DNAAF4: variants seen among roughly 807,000 people sequenced by gnomAD.
DNAAF4 encodes the protein dynein assembly factor 4, axonemal.
A neutral mutation model predicts 51.8 loss-of-function variants in DNAAF4; 43 were observed. The ratio of observed to expected loss-of-function variants is 0.83; its 90% CI spans 0.65 to 1.07. The LOEUF is 1.07. Ranked by LOEUF, DNAAF4 falls within the 50% of genes least tolerant of loss-of-function variation. DNAAF4 has a pLI of 0.00. For missense variants in DNAAF4, 581 were observed against 493.0 expected, an observed-to-expected ratio of 1.18 and a Z score of -1.69; for synonymous variants, 194 against 165.6, an observed-to-expected ratio of 1.17 and a Z score of -1.32.
At position 55,432,422 on chromosome 15, in the gene DNAAF4, C is replaced by T. The variant is rs551612768; in HGVS notation, c.1153+75G>A. 1.7e-5 allele frequency: 21 copies of T among 1,219,988 alleles called. No homozygotes were observed. In the East Asian group the frequency reaches 3.4e-4, roughly 20 times the overall value. The allele number at this position is 1,219,988 out of a possible 1,614,324, so 75.6% of individuals were successfully genotyped here. A position where few individuals can be genotyped will look rare whatever the true frequency, so the allele number is the denominator to read the frequency against. On this transcript the variant is annotated intron_variant, in intron 9 of 9. Transcript: ENST00000321149. ...TTAAAAATGGAGTCCTTAAAAGTCA[C>T]GATCTTAAATAATTCCAATGACATT...
chr15:55,495,943 C>G (rs552791234), intron 3 of DNAAF4, among the ~76,000 whole-genome samples: 1 of 152,112 alleles, frequency 6.6e-6, no homozygotes, highest in South Asian at 2.1e-4. Flanking sequence ...CTGGGGATGT[C>G]AGGCCGGTCG....
intron 1 of DNAAF4, among the ~76,000 whole-genome samples, chr15:55,504,093 C>T (rs959032448): frequency 6.6e-6 from 1 of 152,136 alleles, no homozygotes; most frequent in Non-Finnish European, 1.5e-5. Context: ...GATACAAAAT[C>T]AATGTGCAAA....
intron 8 of DNAAF4, among the ~76,000 whole-genome samples, chr15:55,433,343 G>T (rs973859943): frequency 6.6e-6 from 1 of 152,190 alleles, no homozygotes; most frequent in Non-Finnish European, 1.5e-5. Flanking sequence ...GGGTGTGGTG[G>T]CTCATGCCTG....
chr15:55,428,120 A>C (rs1441404243), downstream of DNAAF4, among the ~76,000 whole-genome samples: 1 of 151,608 alleles, frequency 6.6e-6, no homozygotes, highest in Non-Finnish European at 1.5e-5. Flanking sequence ...TGCCCGGCTA[A>C]TTTTTGTATT....
intron 8 of DNAAF4, 110 bp from the exon 9 acceptor site, chr15:55,432,712 GAGGT>G (rs1344141511): frequency 1.2e-6 from 1 of 829,644 alleles, no homozygotes; most frequent in Non-Finnish European, 1.8e-6. Context: ...TGGGGAGGCC[GAGGT>G]AGGTGGATCA....
At chr15:55,449,276 C>G (rs2057893791) in intron 6 of DNAAF4, among the ~76,000 whole-genome samples, 2 of 151,578 alleles carry the variant, frequency 1.3e-5, no homozygotes, top group South Asian at 4.2e-4. Flanking sequence ...AGGCGTGAGC[C>G]ACCACGCCCG....
intron 2 of DNAAF4, 108 bp from the exon 3 acceptor site, chr15:55,497,967 T>C: frequency 2.1e-6 from 3 of 1,431,648 alleles, no homozygotes; most frequent in African/African-American, 2.9e-5. Flanking sequence ...CCCACTAAAT[T>C]TATGCCAGGT....
At chr15:55,476,548 A>G (rs930850611) in intron 4 of DNAAF4, among the ~76,000 whole-genome samples, 6 of 152,242 alleles carry the variant, frequency 3.9e-5, no homozygotes, top group African/African-American at 1.2e-4. Flanking sequence ...ATATGTGGGT[A>G]AGCGTAAAAG....
chr15:55,480,109 A>G (rs2058388320), intron 4 of DNAAF4, among the ~76,000 whole-genome samples: 1 of 151,848 alleles, frequency 6.6e-6, no homozygotes, highest in Admixed American at 6.6e-5. Flanking sequence ...GAAGCATATG[A>G]TCTTTGTATC....
Position 55,436,016 on chromosome 15 carries a change from G to A in DNAAF4, c.894-958C>T, listed in dbSNP as rs536056297. ...TTGGTCAGACTGGTCTCGAACTCCC[G>A]ATCTCAGGTGATCTGCCCGCTTCGG... On this transcript the variant is annotated intron_variant, in intron 7 of 9. Transcript: ENST00000321149. Among the ~76,000 whole-genome samples, 7 of 152,264 alleles carry A rather than the reference G, an allele frequency of 4.6e-5. No individual in the cohort carries two copies. In the East Asian group the frequency reaches 1.2e-3, roughly 25 times the overall value.
intron 5 of DNAAF4, among the ~76,000 whole-genome samples, chr15:55,462,943 G>A (rs917608562): frequency 6.6e-6 from 1 of 152,208 alleles, no homozygotes; most frequent in African/African-American, 2.4e-5. Flanking sequence ...AGCCGAGGCA[G>A]ACGGATCATT....
rs73411040 is a variant in DNAAF4, at chr15:55,497,977, T to C, written c.124-118A>G. 960 of 1,390,624 alleles carry C rather than the reference T, an allele frequency of 6.9e-4. 5 individuals carry two copies. In the African/African-American group the frequency reaches 0.012, roughly 17 times the overall value. The allele number at this position is 1,390,624 out of a possible 1,614,324, so 86.1% of individuals were successfully genotyped here. Reference sequence around the variant, plus strand: ...AAAGGCCCACTAAATTTATGCCAGGTAGTGAAAGATTAGCAAGGCATATGA... The same window carrying C: ...AAAGGCCCACTAAATTTATGCCAGGCAGTGAAAGATTAGCAAGGCATATGA... On this transcript the variant is annotated intron_variant, in intron 2 of 9. Coordinates refer to ENST00000321149, the MANE Select transcript of DNAAF4 (RefSeq NM_130810.4).
intron 5 of DNAAF4, among the ~76,000 whole-genome samples, chr15:55,459,878 A>G (rs1219722463): frequency 6.6e-6 from 1 of 151,562 alleles, no homozygotes; most frequent in African/African-American, 2.4e-5. Context: ...TAATTTTTGT[A>G]TTTTTAGTAG....
intron 4 of DNAAF4, among the ~76,000 whole-genome samples, chr15:55,485,031 G>A (rs2058467858): frequency 6.6e-6 from 1 of 152,144 alleles, no homozygotes; most frequent in Non-Finnish European, 1.5e-5. Flanking sequence ...TCAGTTGACA[G>A]TCAGTATTAA....
chr15:55,420,080 A>G (rs555958564), intron 7 of DNAAF4, among the ~76,000 whole-genome samples: 1 of 152,336 alleles, frequency 6.6e-6, no homozygotes, highest in African/African-American at 2.4e-5. Flanking sequence ...TGTAATGTAA[A>G]GTAGGCAGTA....
In DNAAF4 at chr15:55,430,769, A is replaced by C. The variant is rs1313909958; in HGVS notation, c.1164T>G (p.Asp388Glu). Residue 388 changes from aspartate to glutamate, a missense_variant, in exon 10 of 10, where the codon GAT becomes GAG. Asp to Glu is a conservative substitution (Grantham distance 45). Transcript: ENST00000321149. ...QLELYVEGLQ[D>E]YEAALKIDPS... The stretch of plus-strand genomic sequence containing the variant: ...GATCAATCTTAAGTGCCGCTTCATA[A>C]TCCTGTAGGCCTGTGTTTATATAGC... 1 of 1,612,524 alleles carries C rather than the reference A, an allele frequency of 6.2e-7. No homozygotes were observed. The highest frequency in any genetic ancestry group is 1.3e-5 in the African/African-American group (1 of 74,894).
intron 6 of DNAAF4, among the ~76,000 whole-genome samples, chr15:55,440,865 T>A (rs2141426864): frequency 6.6e-6 from 1 of 150,698 alleles, no homozygotes; most frequent in South Asian, 2.1e-4. Context: ...GTATTTTTAG[T>A]AGAGATGGGG....
At chr15:55,443,818 TG>T (rs1326998535) in intron 6 of DNAAF4, among the ~76,000 whole-genome samples, 6 of 152,260 alleles carry the variant, frequency 3.9e-5, no homozygotes, top group Non-Finnish European at 7.3e-5. Flanking sequence ...CATTTTTTCA[TG>T]TATCTGTTGG....
At chr15:55,500,053 T>A (rs80108855) in intron 1 of DNAAF4, among the ~76,000 whole-genome samples, 24 of 149,158 alleles carry the variant, frequency 1.6e-4, no homozygotes, top group African/African-American at 3.9e-4. Context: ...TTTTTAACTT[T>A]AAAAAAAAAA....
Sources: allele counts gnomAD v4.1 joint callset (sites outside exome capture counted in the v4.1 genomes callset), GRCh38; gene constraint gnomAD v4.1.1; transcripts MANE v1.5; gene names NCBI Gene and HGNC (gene_info 2026-07-23, HGNC 2026-07-21).